The following GAS7 variants were observed in gnomAD, a reference collection of about 807,000 sequenced individuals.
GAS7 encodes growth arrest-specific protein 7.
In GAS7, 28 loss-of-function variants were observed where a neutral mutation model predicts 71.1. The observed-to-expected ratio is 0.39, with a 90% CI of 0.29 to 0.54. The LOEUF is 0.54. Ranked by LOEUF, GAS7 falls within the 20% of genes least tolerant of loss-of-function variation. The probability of loss-of-function intolerance (pLI) is 0.62; values close to 1 mark genes in which losing one functional copy is unlikely to be tolerated. For synonymous variants in GAS7, 258 were observed against 245.8 expected, an observed-to-expected ratio of 1.05 and a Z score of -0.46; for missense variants, 436 against 627.8, an observed-to-expected ratio of 0.69 and a Z score of 3.27.
chr17:10,198,134 G>C (rs1597850388), intron 1 of GAS7, 74 bp downstream of exon 1: 2 of 1,447,102 alleles, frequency 1.4e-6, no homozygotes, highest in African/African-American at 1.4e-5. Flanking sequence ...GGCATCCCCG[G>C]AACGGGCAAC....
chr17:9,993,531 A>G (rs557894258), intron 2 of GAS7, among the ~76,000 whole-genome samples: 232 of 152,222 alleles, frequency 1.5e-3, no homozygotes, highest in African/African-American at 5.5e-3. Flanking sequence ...GACGTATTTC[A>G]AAATAATAAG....
rs559602621 is a variant in GAS7, at chr17:10,107,703, G to A, written c.184-87806C>T. 6.0e-5 allele frequency among the ~76,000 whole-genome samples: 9 copies of A among 149,668 alleles called. No homozygotes were observed. The East Asian group carries it at 1.2e-3, about 20-fold the overall frequency. ...GGAGAACTACCTTACACACAGTCCA[G>A]TGGTGGCAGGCTGAGCAGGGGAACC... On this transcript the variant is annotated intron_variant, in intron 1 of 13. Transcript: ENST00000432992.
intron 1 of GAS7, among the ~76,000 whole-genome samples, chr17:10,158,374 AG>A (rs1019913465): frequency 6.3e-4 from 92 of 144,908 alleles, no homozygotes; most frequent in African/African-American, 2.3e-3. Context: ...GGCCAGGTGC[AG>A]GGGGCTCGCA....
At chr17:9,997,824 A>C (rs1325209702) in intron 2 of GAS7, among the ~76,000 whole-genome samples, 1 of 152,236 alleles carries the variant, frequency 6.6e-6, no homozygotes, top group African/African-American at 2.4e-5. Context: ...ACCTTTACCC[A>C]CTTATTACAC....
At chr17:9,929,591 C>T (rs2068135415) in intron 9 of GAS7, among the ~76,000 whole-genome samples, 2 of 152,324 alleles carry the variant, frequency 1.3e-5, no homozygotes, top group South Asian at 4.1e-4. Context: ...TCTCCTGCCT[C>T]AGCCTCCCAA....
intron 2 of GAS7, among the ~76,000 whole-genome samples, chr17:9,992,390 T>C (rs1044933694): frequency 1.8e-4 from 28 of 151,544 alleles, no homozygotes; most frequent in Non-Finnish European, 1.0e-4. Flanking sequence ...GTCCTCAGAG[T>C]CTTTCTAGAA....
intron 1 of GAS7, among the ~76,000 whole-genome samples, chr17:10,052,331 C>G (rs1193816898): frequency 6.6e-6 from 1 of 152,202 alleles, no homozygotes; most frequent in Non-Finnish European, 1.5e-5. Context: ...CCTTGATCAT[C>G]AACTGTCAAA....
intron 1 of GAS7, chr17:10,020,137 G>C (rs572352533): frequency 2.6e-4 from 111 of 425,880 alleles, no homozygotes; most frequent in African/African-American, 2.0e-3. Context: ...TCTGGGAGCA[G>C]AGAGGAAAAT....
At chr17:9,992,026 C>T (rs1422682676) in intron 2 of GAS7, among the ~76,000 whole-genome samples, 1 of 152,184 alleles carries the variant, frequency 6.6e-6, no homozygotes, top group Admixed American at 6.5e-5. Context: ...AGACCTCACA[C>T]CTGGAGCTTC....
intron 2 of GAS7, among the ~76,000 whole-genome samples, chr17:9,992,595 TTTAA>T (rs775088829): frequency 6.9e-4 from 105 of 151,202 alleles, no homozygotes; most frequent in African/African-American, 2.2e-3. Flanking sequence ...ATTTATTTTT[TTTAA>T]TTAATTAATT....
chr17:10,058,876 G>A (rs368070943), intron 1 of GAS7, among the ~76,000 whole-genome samples: 6 of 152,186 alleles, frequency 3.9e-5, no homozygotes, highest in Admixed American at 2.6e-4. Context: ...CTGAATCCAC[G>A]CAAATCCAAG....
chr17:9,941,067 T>TG (rs2068584807), intron 7 of GAS7, among the ~76,000 whole-genome samples: 1 of 152,216 alleles, frequency 6.6e-6, no homozygotes, highest in Admixed American at 6.5e-5. Flanking sequence ...CTCAAGCAGC[T>TG]GGCACCCAAA....
chr17:10,187,085 AGG>A (rs2074460329), intron 1 of GAS7, among the ~76,000 whole-genome samples: 1 of 152,194 alleles, frequency 6.6e-6, no homozygotes, highest in African/African-American at 2.4e-5. Context: ...AACACACGGC[AGG>A]ATTGTATTTT....
intron 1 of GAS7, among the ~76,000 whole-genome samples, chr17:10,167,878 T>C (rs1441452709): frequency 6.6e-6 from 1 of 152,094 alleles, no homozygotes. Flanking sequence ...TTTGTATTTT[T>C]TGTAGAGACG....
At chr17:10,195,742 G>A (rs1045213748) in intron 1 of GAS7, among the ~76,000 whole-genome samples, 17 of 152,090 alleles carry the variant, frequency 1.1e-4, no homozygotes, top group African/African-American at 4.1e-4. Flanking sequence ...GGGGACCTCT[G>A]CATTCTCTGA....
intron 1 of GAS7, among the ~76,000 whole-genome samples, chr17:10,063,647 C>T (rs1253441975): frequency 6.6e-6 from 1 of 152,148 alleles, no homozygotes; most frequent in Non-Finnish European, 1.5e-5. Context: ...GGGTGAGGAT[C>T]TCATCCAAGG....
intron 8 of GAS7, among the ~76,000 whole-genome samples, chr17:9,935,394 C>T (rs1238129113): frequency 6.6e-6 from 1 of 152,234 alleles, no homozygotes; most frequent in African/African-American, 2.4e-5. Context: ...TGATTTGGAG[C>T]TCTTTAACCG....
chr17:10,151,414 C>T lies in GAS7; in HGVS notation c.183+46794G>A, dbSNP rs548285253. On this transcript the variant is annotated intron_variant, in intron 1 of 13. Coordinates refer to ENST00000432992, the MANE Select transcript of GAS7 (RefSeq NM_201433.2). ...TATTGTTTTCTAACAATACTGTTTT[C>T]TAACAAAACTGTCACATGTTCATTT... 1.3e-4 allele frequency among the ~76,000 whole-genome samples: 20 copies of T among 152,110 alleles called. No individual in the cohort carries two copies. In the South Asian group the frequency reaches 3.5e-3, roughly 27 times the overall value.
intron 1 of GAS7, among the ~76,000 whole-genome samples, chr17:10,108,265 GGGCCT>G (rs2073778845): frequency 1.3e-5 from 2 of 152,198 alleles, no homozygotes; most frequent in African/African-American, 4.8e-5. Context: ...CCAAAAGAAA[GGGCCT>G]TGGTCCTCCA....
Sources: allele counts gnomAD v4.1 joint callset (sites outside exome capture counted in the v4.1 genomes callset), GRCh38; gene constraint gnomAD v4.1.1; transcripts MANE v1.5; gene names NCBI Gene and HGNC (gene_info 2026-07-23, HGNC 2026-07-21).